Variants in MYT1L observed in about 807,000 individuals in gnomAD.
MYT1L encodes the protein myelin transcription factor 1-like protein.
MYT1L carries 12 observed loss-of-function variants against 126.7 expected under a neutral mutation model. That is an observed-to-expected ratio of 0.09 (90% CI 0.06 to 0.15). The LOEUF is 0.15. MYT1L is among the 10% of genes least tolerant of loss of function. The probability of loss-of-function intolerance (pLI) is 1.00; values close to 1 mark genes in which losing one functional copy is unlikely to be tolerated. For missense variants in MYT1L, 979 were observed against 1,585.2 expected, an observed-to-expected ratio of 0.62 and a Z score of 6.49; for synonymous variants, 541 against 604.2, an observed-to-expected ratio of 0.90 and a Z score of 1.53.
In MYT1L at chr2:1,912,117, A is replaced by G. The variant is rs1484362223; in HGVS notation, c.1619-7T>C. 1.3e-6 allele frequency: 2 copies of G among 1,565,108 alleles called. No individual in the cohort carries two copies. The highest frequency in any genetic ancestry group is 1.3e-5 in the African/African-American group (1 of 74,214). ...CTTTCATGCATGGCAAGGACTTGACAGGGAGAGGCAAAGAGAACAGCCAGT... is the reference window on the plus strand; with the variant it reads ...CTTTCATGCATGGCAAGGACTTGACGGGGAGAGGCAAAGAGAACAGCCAGT... On this transcript the variant is annotated splice_polypyrimidine_tract_variant and splice_region_variant and intron_variant, in intron 11 of 24. Coordinates refer to ENST00000647738, the MANE Select transcript of MYT1L (RefSeq NM_001303052.2). The surrounding 1 kb of genome is among the most constrained non-coding windows in gnomAD (Gnocchi z 4.3).
At chr2:1,988,818 T>C (rs1029193795) in intron 5 of MYT1L, among the ~76,000 whole-genome samples, 2 of 152,220 alleles carry the variant, frequency 1.3e-5, no homozygotes, top group African/African-American at 4.8e-5. Context: ...CATGAGCCAC[T>C]GCGCCTGGCT....
At chr2:2,260,578 C>A (rs867732660) in intron 2 of MYT1L, among the ~76,000 whole-genome samples, 1 of 152,130 alleles carries the variant, frequency 6.6e-6, no homozygotes, top group Non-Finnish European at 1.5e-5. Context: ...GCTGGAGCAA[C>A]TTTGAAATTT....
intron 18 of MYT1L, among the ~76,000 whole-genome samples, chr2:1,864,755 T>C (rs917838673): frequency 1.3e-5 from 2 of 152,210 alleles, no homozygotes; most frequent in Non-Finnish European, 2.9e-5. Context: ...TGGGAGGTTC[T>C]TGGCCCCTGC....
In MYT1L at chr2:2,129,803, G is replaced by A. The variant is rs1204589347; in HGVS notation, c.-304+43069C>T. ...CGCCTGTAGTCCCAGCTACTCGGGA[G>A]GCTGAGGCAGGAGAATGGCGTGAAC... On this transcript the variant is annotated intron_variant, in intron 3 of 24. Coordinates refer to ENST00000647738, the MANE Select transcript of MYT1L (RefSeq NM_001303052.2). Among the ~76,000 whole-genome samples, 5 of 152,094 alleles carry A rather than the reference G, an allele frequency of 3.3e-5. No homozygotes were observed. The East Asian group carries it at 9.7e-4, about 30-fold the overall frequency.
intron 1 of MYT1L, among the ~76,000 whole-genome samples, chr2:2,288,335 C>T (rs1237028945): frequency 6.6e-6 from 1 of 152,168 alleles, no homozygotes; most frequent in Non-Finnish European, 1.5e-5. Context: ...CACACTCAAA[C>T]CTCAATGCAA....
At chr2:2,172,637 C>T in intron 3 of MYT1L, among the ~76,000 whole-genome samples, 1 of 149,458 alleles carries the variant, frequency 6.7e-6, no homozygotes, top group Admixed American at 6.6e-5. Flanking sequence ...TACCTGCACT[C>T]TGTGGCCAGG....
At chr2:2,301,632 C>G (rs983550885) in intron 1 of MYT1L, among the ~76,000 whole-genome samples, 13 of 151,756 alleles carry the variant, frequency 8.6e-5, no homozygotes, top group African/African-American at 2.9e-4. Context: ...AGTTCGAGAC[C>G]AGCCTGGGCA....
chr2:1,874,054 GGC>G lies in MYT1L; in HGVS notation c.2711+12483_2711+12484del, dbSNP rs2046575823. ...ACAGTCGGGGGAAGGACAGGGAGAG[GGC>G]AAGGAGAGGGCAGCCAGGACACAGA... On this transcript the variant is annotated intron_variant, in intron 18 of 24. Coordinates refer to ENST00000647738, the MANE Select transcript of MYT1L (RefSeq NM_001303052.2). Among the ~76,000 whole-genome samples, 15 of 74,522 alleles carry G rather than the reference GGC, an allele frequency of 2.0e-4. No individual in the cohort carries two copies. The South Asian group carries it at 4.4e-3, about 22-fold the overall frequency. 48.9% of individuals were successfully genotyped at this position (74,522 alleles called of 152,430 possible).
chr2:1,816,611 T>C (rs2037688996), intron 21 of MYT1L: 1 of 152,888 alleles, frequency 6.5e-6, no homozygotes, highest in African/African-American at 2.4e-5. Flanking sequence ...AAGCAGCTGC[T>C]GAGGCTACGC....
At chr2:2,291,538 CA>C (rs1185342188) in intron 1 of MYT1L, among the ~76,000 whole-genome samples, 4 of 152,236 alleles carry the variant, frequency 2.6e-5, no homozygotes, top group African/African-American at 9.6e-5. Context: ...GCTCATCACA[CA>C]AACTGGAAGG....
chr2:1,796,656 TG>T (rs1359082791), intron 23 of MYT1L, among the ~76,000 whole-genome samples: 2 of 152,002 alleles, frequency 1.3e-5, no homozygotes, highest in Non-Finnish European at 2.9e-5. Context: ...AAATGCCTGC[TG>T]TTTGGGCCAC....
intron 2 of MYT1L, among the ~76,000 whole-genome samples, chr2:2,196,147 G>T (rs1231180419): frequency 6.6e-6 from 1 of 151,776 alleles, no homozygotes; most frequent in African/African-American, 2.4e-5. Flanking sequence ...TTTTTTAAAT[G>T]CCAGCAGTTA....
At chr2:1,794,688 T>A (rs1364589767) in intron 23 of MYT1L, among the ~76,000 whole-genome samples, 1 of 152,196 alleles carries the variant, frequency 6.6e-6, no homozygotes, top group Non-Finnish European at 1.5e-5. Flanking sequence ...GATATCTTCC[T>A]ATGTTCAGGA....
chr2:2,261,561 C>T (rs1235154394), intron 2 of MYT1L, among the ~76,000 whole-genome samples: 1 of 152,070 alleles, frequency 6.6e-6, no homozygotes, highest in Middle Eastern at 3.2e-3. Context: ...AGGGAGTTGG[C>T]AGGTGAGATG....
chr2:1,971,565 T>C (rs1274052403), intron 8 of MYT1L, among the ~76,000 whole-genome samples: 4 of 152,094 alleles, frequency 2.6e-5, no homozygotes, highest in African/African-American at 9.7e-5. Flanking sequence ...ACCCCATCTC[T>C]ACTAAAAATA....
At chr2:1,866,180 G>A (rs1008756800) in intron 18 of MYT1L, among the ~76,000 whole-genome samples, 5 of 152,210 alleles carry the variant, frequency 3.3e-5, no homozygotes, top group African/African-American at 7.2e-5. Context: ...AGGTCAAGCC[G>A]AGGTGGAGAC....
chr2:1,863,094 A>T (rs1250706689), intron 18 of MYT1L, among the ~76,000 whole-genome samples: 1 of 152,140 alleles, frequency 6.6e-6, no homozygotes, highest in Non-Finnish European at 1.5e-5. Flanking sequence ...CACCCCATGG[A>T]GATGGTGGTA....
intron 14 of MYT1L, 90 bp downstream of exon 14, chr2:1,902,990 G>A (rs562512019): frequency 2.2e-4 from 275 of 1,241,838 alleles, no homozygotes; most frequent in Non-Finnish European, 3.0e-4. Context: ...GACCACCACC[G>A]CTCAACTAAT....
intron 18 of MYT1L, among the ~76,000 whole-genome samples, chr2:1,871,373 C>T (rs981793007): frequency 6.6e-5 from 10 of 152,216 alleles, no homozygotes; most frequent in Admixed American, 5.9e-4. Context: ...GGGAGGGCCC[C>T]TCCTATCTCT....
Sources: gnomAD v4.1 joint callset for allele counts (sites outside exome capture counted in the v4.1 genomes callset) on GRCh38, gnomAD v4.1.1 for gene constraint, Gnocchi (gnomAD v3.1) non-coding constraint, MANE v1.5 for transcripts, NCBI Gene and HGNC (gene_info 2026-07-23, HGNC 2026-07-21) for gene names.